The following KCND2 variants were observed in gnomAD, a reference collection of about 807,000 sequenced individuals.
The protein encoded by KCND2 is potassium voltage-gated channel subfamily D member 2.
KCND2 carries 16 observed loss-of-function variants against 54.4 expected under a neutral mutation model. The observed-to-expected ratio is 0.29, with a 90% CI of 0.20 to 0.45. The LOEUF is 0.45. Among genes scored for constraint, KCND2 ranks in the 20% least tolerant of loss-of-function variants. KCND2 has a pLI of 1.00. For synonymous variants in KCND2, 317 were observed against 310.7 expected (o/e 1.02, Z -0.21); for missense variants, 486 against 824.2 (o/e 0.59, Z 5.02).
intron 1 of KCND2, among the ~76,000 whole-genome samples, chr7:120,608,322 T>C (rs1257810478): frequency 1.3e-5 from 2 of 152,100 alleles, no homozygotes; most frequent in East Asian, 3.8e-4. Context: ...CCAATAATTT[T>C]ATAGCAAATG....
intron 1 of KCND2, among the ~76,000 whole-genome samples, chr7:120,393,101 T>C (rs1801102060): frequency 6.6e-6 from 1 of 152,070 alleles, no homozygotes; most frequent in Non-Finnish European, 1.5e-5. Flanking sequence ...TTTTCTAAAC[T>C]GTCCAAAATA....
intron 1 of KCND2, among the ~76,000 whole-genome samples, chr7:120,482,648 C>G (rs1163583674): frequency 2.0e-5 from 3 of 152,062 alleles, no homozygotes; most frequent in African/African-American, 7.2e-5. Context: ...AAAGAGAGCT[C>G]TCATGCGCTT....
chr7:120,670,509 A>G (rs369136303), intron 1 of KCND2, among the ~76,000 whole-genome samples: 1 of 152,084 alleles, frequency 6.6e-6, no homozygotes, highest in African/African-American at 2.4e-5. Context: ...GCTGCTGTCC[A>G]GAGCCACCAC....
At chr7:120,434,819 A>G (rs1584777530) in intron 1 of KCND2, among the ~76,000 whole-genome samples, 1 of 72,290 alleles carries the variant, frequency 1.4e-5, no homozygotes, top group South Asian at 2.7e-4. Context: ...ATCCTAGAGG[A>G]AAAAAAAAAA....
chr7:120,420,826 T>C (rs1186385930), intron 1 of KCND2, among the ~76,000 whole-genome samples: 2 of 152,198 alleles, frequency 1.3e-5, no homozygotes, highest in African/African-American at 4.8e-5. Flanking sequence ...GGCAAAATCA[T>C]ACCTCTGAAA....
chr7:120,530,430 A>G (rs1188356717), intron 1 of KCND2, among the ~76,000 whole-genome samples: 2 of 152,184 alleles, frequency 1.3e-5, no homozygotes, highest in African/African-American at 2.4e-5. Context: ...TATTCAGAGC[A>G]GGTGCTTTCT....
At chr7:120,305,919 A>G (rs1205980398) in intron 1 of KCND2, among the ~76,000 whole-genome samples, 1 of 152,188 alleles carries the variant, frequency 6.6e-6, no homozygotes, top group East Asian at 1.9e-4. Context: ...GAGACTCCTC[A>G]GACTTACCTG....
chr7:120,696,594 A>T (rs1792335870), intron 1 of KCND2, among the ~76,000 whole-genome samples: 1 of 152,230 alleles, frequency 6.6e-6, no homozygotes, highest in East Asian at 1.9e-4. Context: ...GGTGGGGCCT[A>T]AAAAGAAGTG....
At chr7:120,743,415 G>T (rs890201423) in intron 4 of KCND2, among the ~76,000 whole-genome samples, 1 of 152,164 alleles carries the variant, frequency 6.6e-6, no homozygotes, top group Non-Finnish European at 1.5e-5. Context: ...GCCCAAGAGT[G>T]AGCCAGACCC....
intron 1 of KCND2, among the ~76,000 whole-genome samples, chr7:120,354,761 A>G (rs970254018): frequency 6.6e-6 from 1 of 152,242 alleles, no homozygotes; most frequent in Non-Finnish European, 1.5e-5. Flanking sequence ...CGCTGCCTCC[A>G]AAAGAAAACA....
chr7:120,635,207 G>T (rs1458101976), intron 1 of KCND2, among the ~76,000 whole-genome samples: 1 of 152,182 alleles, frequency 6.6e-6, no homozygotes, highest in African/African-American at 2.4e-5. Flanking sequence ...TGTGGTTCCT[G>T]ATATGTAGCA....
At chr7:120,475,025 A>G (rs1393359950) in intron 1 of KCND2, among the ~76,000 whole-genome samples, 1 of 152,162 alleles carries the variant, frequency 6.6e-6, no homozygotes, top group Non-Finnish European at 1.5e-5. Context: ...ACTTTTAACA[A>G]TTAAGGTCCT....
chr7:120,354,865 A>T (rs550848402), intron 1 of KCND2, among the ~76,000 whole-genome samples: 2 of 152,258 alleles, frequency 1.3e-5, no homozygotes, highest in Non-Finnish European at 2.9e-5. Context: ...ATAACATTGT[A>T]TATATGAGAT....
At position 120,582,954 on chromosome 7, in the gene KCND2, A is replaced by G. The variant is rs112686752; in HGVS notation, c.1116-149949A>G. ...GGTTTGCATTGCTCTGTGTGTGTGT[A>G]TGTGTGTGTGTGTGTGTGTGTGTGT... On this transcript the variant is annotated intron_variant, in intron 1 of 5. Transcript: ENST00000331113. 2.8e-3 allele frequency among the ~76,000 whole-genome samples: 419 copies of G among 147,498 alleles called. 3 individuals carry two copies. The highest frequency in any genetic ancestry group is 9.4e-3 in the African/African-American group (381 of 40,446).
At chr7:120,599,896 T>G (rs1792793309) in intron 1 of KCND2, among the ~76,000 whole-genome samples, 2 of 152,028 alleles carry the variant, frequency 1.3e-5, no homozygotes, top group African/African-American at 4.8e-5. Context: ...CATGTTTTTC[T>G]TTCACAGTTA....
intron 1 of KCND2, among the ~76,000 whole-genome samples, chr7:120,611,007 A>G (rs1190606807): frequency 6.6e-6 from 1 of 152,116 alleles, no homozygotes; most frequent in Non-Finnish European, 1.5e-5. Flanking sequence ...TGCTATCCCA[A>G]AGAAATCACT....
intron 1 of KCND2, among the ~76,000 whole-genome samples, chr7:120,352,846 T>G (rs572221615): frequency 2.6e-5 from 4 of 152,278 alleles, no homozygotes; most frequent in African/African-American, 9.6e-5. Context: ...CATTAGTTAC[T>G]GATAATCATT....
chr7:120,714,550 AC>A (rs1394445929), intron 1 of KCND2, among the ~76,000 whole-genome samples: 1 of 152,116 alleles, frequency 6.6e-6, no homozygotes, highest in Non-Finnish European at 1.5e-5. Flanking sequence ...AAACATCAGC[AC>A]TATTCAGATA....
intron 1 of KCND2, among the ~76,000 whole-genome samples, chr7:120,679,881 G>A (rs1562907409): frequency 6.6e-6 from 1 of 152,172 alleles, no homozygotes; most frequent in Admixed American, 6.6e-5. Context: ...AACACGCATT[G>A]CTCTGTGCCC....
Sources: allele counts gnomAD v4.1 joint callset (sites outside exome capture counted in the v4.1 genomes callset), GRCh38; gene constraint gnomAD v4.1.1; transcripts MANE v1.5; gene names NCBI Gene and HGNC (gene_info 2026-07-23, HGNC 2026-07-21).